Variants in WBP2NL observed in about 807,000 individuals in gnomAD.
WBP2NL encodes the protein postacrosomal sheath WW domain-binding protein.
WBP2NL carries 27 observed loss-of-function variants against 23.3 expected under a neutral mutation model. The observed-to-expected ratio is 1.16, with a 90% confidence interval of 0.85 to 1.60. WBP2NL has a LOEUF of 1.60. Ranked by LOEUF, WBP2NL falls within the 40% of genes most tolerant of loss-of-function variation. WBP2NL has a pLI of 0.00. For missense variants in WBP2NL, 370 were observed against 389.5 expected, an observed-to-expected ratio of 0.95 and a Z score of 0.42; for synonymous variants, 151 against 145.9, an observed-to-expected ratio of 1.03 and a Z score of -0.25.
chr22:42,019,956 G>T (rs1425644341), intron 3 of WBP2NL, 48 bp from the exon 4 acceptor site: 3 of 1,602,534 alleles, frequency 1.9e-6, no homozygotes, highest in Non-Finnish European at 2.6e-6. Context: ...TCTTTCTGTT[G>T]TCAGCTATGC....
At chr22:42,003,876 A>G (rs1921952337) in intron 1 of WBP2NL, among the ~76,000 whole-genome samples, 1 of 152,248 alleles carries the variant, frequency 6.6e-6, no homozygotes, top group African/African-American at 2.4e-5. Flanking sequence ...CATCAAATTT[A>G]TGGTAAACCT....
Position 42,027,229 on chromosome 22 carries a change from T to C in WBP2NL, c.*48T>C. 6.5e-7 allele frequency: 1 copy of C among 1,547,670 alleles called. No individual in the cohort carries two copies. Among genetic ancestry groups the C allele is most frequent in the Non-Finnish European group, 8.7e-7 (1 of 1,150,190 alleles). ...AGACTCACCAAGCAAAGAGGTACCC[T>C]AAAATTGAAGTCAGGATAAGGAGGA... On this transcript the variant is annotated 3_prime_UTR_variant, in exon 6 of 6. Transcript: ENST00000328823.
chr22:42,006,221 C>CT (rs58669161), intron 1 of WBP2NL, among the ~76,000 whole-genome samples: 3,075 of 139,488 alleles, frequency 0.022, 55 homozygotes, highest in Non-Finnish European at 0.033. Flanking sequence ...GTTTCCCAAT[C>CT]TTTTTTTTTT....
intron 2 of WBP2NL, 98 bp downstream of exon 2, chr22:42,019,517 C>T (rs918615809): frequency 1.2e-5 from 19 of 1,539,832 alleles, no homozygotes; most frequent in African/African-American, 5.5e-5. Context: ...TGTTTTTAAA[C>T]GTGCGCTTTG....
In WBP2NL at chr22:42,019,985, G is replaced by T. The variant is rs1295371072; in HGVS notation, c.314-19G>T. The T allele has an allele frequency of 6.2e-7, 1 of 1,611,600 alleles. No individual in the cohort carries two copies. Among genetic ancestry groups the T allele is most frequent in the South Asian group, 1.1e-5 (1 of 90,842 alleles). Reference sequence around the variant, plus strand: ...GCTATGCCAGTTTCTTGGTGAGTGTGTGCCATTTCTTCCCCCAGGTGGCTG... The same window carrying T: ...GCTATGCCAGTTTCTTGGTGAGTGTTTGCCATTTCTTCCCCCAGGTGGCTG... On this transcript the variant is annotated intron_variant, in intron 3 of 5. Coordinates refer to ENST00000328823, the MANE Select transcript of WBP2NL (RefSeq NM_152613.3).
At chr22:42,048,169 C>T (rs1205013407) in intron 8 of WBP2NL, among the ~76,000 whole-genome samples, 1 of 151,588 alleles carries the variant, frequency 6.6e-6, no homozygotes, top group Non-Finnish European at 1.5e-5. Context: ...CACCTGTAAT[C>T]CCAGCACTTT....
intron 1 of WBP2NL, among the ~76,000 whole-genome samples, chr22:42,010,547 CT>C (rs899183883): frequency 6.7e-6 from 1 of 149,920 alleles, no homozygotes; most frequent in Non-Finnish European, 1.5e-5. Flanking sequence ...TCTTTTTTTT[CT>C]TTTTTTTTGA....
chr22:42,029,131 A>G (rs1036485818), downstream of WBP2NL, among the ~76,000 whole-genome samples: 43 of 152,250 alleles, frequency 2.8e-4, no homozygotes, highest in Admixed American at 1.8e-3. Context: ...TTGTAGGCTC[A>G]TCAAGCCACC....
intron 8 of WBP2NL, among the ~76,000 whole-genome samples, chr22:42,042,757 C>T (rs1351749906): frequency 6.6e-6 from 1 of 152,142 alleles, no homozygotes; most frequent in Non-Finnish European, 1.5e-5. Flanking sequence ...GGTGTTTGCA[C>T]ATTTAGAGAA....
intron 8 of WBP2NL, among the ~76,000 whole-genome samples, chr22:42,044,258 A>G (rs1216012909): frequency 6.6e-6 from 1 of 151,810 alleles, no homozygotes; most frequent in Non-Finnish European, 1.5e-5. Flanking sequence ...ATCTCTACAG[A>G]CAAGGTCTCA....
chr22:42,035,758 A>C (rs969596477), downstream of WBP2NL, among the ~76,000 whole-genome samples: 1 of 152,188 alleles, frequency 6.6e-6, no homozygotes. Flanking sequence ...ACTAATTAAC[A>C]TATCTATTAC....
intron 8 of WBP2NL, among the ~76,000 whole-genome samples, chr22:42,051,363 G>A (rs757661410): frequency 4.5e-4 from 69 of 152,268 alleles, no homozygotes; most frequent in Admixed American, 2.1e-3. Context: ...AGGGAGGGAT[G>A]AACCAGGTGG....
intron 8 of WBP2NL, among the ~76,000 whole-genome samples, chr22:42,038,923 C>T (rs1300171429): frequency 1.3e-5 from 2 of 149,160 alleles, no homozygotes; most frequent in Non-Finnish European, 3.0e-5. Flanking sequence ...TTTTCTTTTT[C>T]GAGATAGGGT....
downstream of WBP2NL, among the ~76,000 whole-genome samples, chr22:42,035,696 G>C (rs771268078): frequency 6.6e-6 from 1 of 152,146 alleles, no homozygotes; most frequent in Non-Finnish European, 1.5e-5. Context: ...TATATTTAAT[G>C]TATACAACTG....
At chr22:42,037,850 A>T (rs936999186), downstream of WBP2NL, among the ~76,000 whole-genome samples, 14 of 143,712 alleles carry the variant, frequency 9.7e-5, no homozygotes, top group South Asian at 4.5e-4. Flanking sequence ...AGAGAGTGAG[A>T]GTGTGTGTGT....
intron 8 of WBP2NL, among the ~76,000 whole-genome samples, chr22:42,054,971 C>T (rs1419402188): frequency 1.3e-5 from 2 of 152,280 alleles, no homozygotes; most frequent in East Asian, 3.9e-4. Context: ...TATACCAGTA[C>T]CACACTGTTT....
rs775624773 is a variant in WBP2NL, at chr22:41,998,818, G to A, written c.-1G>A. 1 of 1,610,162 alleles carries A rather than the reference G, an allele frequency of 6.2e-7. No individual in the cohort carries two copies. Among genetic ancestry groups the A allele is most frequent in the South Asian group, 1.1e-5 (1 of 90,818 alleles). On this transcript the variant is annotated 5_prime_UTR_variant, in exon 1 of 6. Coordinates refer to ENST00000328823, the MANE Select transcript of WBP2NL (RefSeq NM_152613.3). ...CGGGGCGGCAGGAGGCCCGAAGCAA[G>A]ATGGCGGTGAATCAGAGCCACACCG... is the stretch of plus-strand genomic sequence containing the variant.
intron 1 of WBP2NL, among the ~76,000 whole-genome samples, chr22:42,011,129 G>A (rs1269420124): frequency 1.3e-5 from 2 of 152,204 alleles, no homozygotes; most frequent in Non-Finnish European, 2.9e-5. Context: ...TTCGGTATCA[G>A]GGTAATGCTG....
chr22:42,009,994 A>G (rs1230575560), intron 1 of WBP2NL, among the ~76,000 whole-genome samples: 3 of 152,182 alleles, frequency 2.0e-5, no homozygotes, highest in Non-Finnish European at 4.4e-5. Flanking sequence ...AATGTTTTAT[A>G]GTTTTCAGTG....
Sources: allele counts gnomAD v4.1 joint callset (sites outside exome capture counted in the v4.1 genomes callset), GRCh38; gene constraint gnomAD v4.1.1; transcripts MANE v1.5; gene names NCBI Gene and HGNC (gene_info 2026-07-23, HGNC 2026-07-21).